GPC5: variants seen among roughly 807,000 people sequenced by gnomAD.
GPC5 encodes glypican-5.
In GPC5, 47 loss-of-function variants were observed where a neutral mutation model predicts 53.9. That is an observed-to-expected ratio of 0.87 (90% CI 0.69 to 1.11). The LOEUF (loss-of-function observed/expected upper bound fraction) is 1.11, where lower values mean the gene tolerates loss of function less well. Among genes scored for constraint, GPC5 ranks in the 50% most tolerant of loss-of-function variants. GPC5 has a pLI of 0.00. For synonymous variants in GPC5, 286 were observed against 263.3 expected, an observed-to-expected ratio of 1.09 and a Z score of -0.84; for missense variants, 748 against 713.1, an observed-to-expected ratio of 1.05 and a Z score of -0.56.
intron 6 of GPC5, among the ~76,000 whole-genome samples, chr13:92,091,818 A>T (rs2041383590): frequency 6.6e-6 from 1 of 152,026 alleles, no homozygotes; most frequent in South Asian, 2.1e-4. Context: ...ACTGTAAATC[A>T]CAATTTCAAT....
At chr13:92,471,701 C>T (rs539841152) in intron 7 of GPC5, among the ~76,000 whole-genome samples, 2 of 152,054 alleles carry the variant, frequency 1.3e-5, no homozygotes, top group Admixed American at 1.3e-4. Context: ...CAGGCGCTAA[C>T]GAGTTATTTT....
chr13:92,017,536 C>T (rs2040717670), intron 6 of GPC5, among the ~76,000 whole-genome samples: 2 of 152,124 alleles, frequency 1.3e-5, no homozygotes, highest in Admixed American at 1.3e-4. Flanking sequence ...AAAGTCCCCA[C>T]CTTTCTGAGA....
At chr13:92,056,200 T>C (rs1233215082) in intron 6 of GPC5, among the ~76,000 whole-genome samples, 1 of 152,180 alleles carries the variant, frequency 6.6e-6, no homozygotes, top group Admixed American at 6.5e-5. Context: ...CCCTGCCTTA[T>C]TCAGCTGCTA....
intron 2 of GPC5, among the ~76,000 whole-genome samples, chr13:91,457,927 A>T (rs1038464742): frequency 1.3e-5 from 2 of 152,128 alleles, no homozygotes; most frequent in Non-Finnish European, 2.9e-5. Flanking sequence ...TGAAACAAAG[A>T]TCCCTGTCTT....
intron 7 of GPC5, among the ~76,000 whole-genome samples, chr13:92,217,744 C>T (rs759059444): frequency 6.6e-6 from 1 of 152,000 alleles, no homozygotes; most frequent in Non-Finnish European, 1.5e-5. Context: ...GGATCACAAG[C>T]TTTTACAGGC....
intron 2 of GPC5, among the ~76,000 whole-genome samples, chr13:91,662,737 T>C (rs1377338281): frequency 6.6e-6 from 1 of 152,202 alleles, no homozygotes; most frequent in Non-Finnish European, 1.5e-5. Flanking sequence ...CTGTGCTCAT[T>C]ATTACCATAT....
At chr13:91,739,247 G>A (rs2036878105) in intron 4 of GPC5, among the ~76,000 whole-genome samples, 1 of 151,240 alleles carries the variant, frequency 6.6e-6, no homozygotes, top group Admixed American at 6.6e-5. Context: ...TAAGGTTGTG[G>A]GTGCTGCTGT....
At chr13:92,381,847 G>GATATATGAGTATATAT (rs1261792173) in intron 7 of GPC5, among the ~76,000 whole-genome samples, 1 of 119,582 alleles carries the variant, frequency 8.4e-6, no homozygotes, top group Non-Finnish European at 1.7e-5. Flanking sequence ...TATTGTATAT[G>GATATATGAGTATATAT]ATCATATATG....
chr13:91,767,629 C>A (rs148398397), intron 5 of GPC5, among the ~76,000 whole-genome samples: 2 of 152,112 alleles, frequency 1.3e-5, no homozygotes, highest in East Asian at 3.9e-4. Flanking sequence ...AAACAGAATC[C>A]CTAGGAAAAA....
At chr13:91,840,293 A>T (rs1028626234) in intron 5 of GPC5, among the ~76,000 whole-genome samples, 3 of 152,076 alleles carry the variant, frequency 2.0e-5, no homozygotes, top group Non-Finnish European at 2.9e-5. Flanking sequence ...TTTAGCAACC[A>T]TCTGTATTAT....
intron 5 of GPC5, among the ~76,000 whole-genome samples, chr13:91,890,631 A>C (rs2039374832): frequency 6.6e-6 from 1 of 152,238 alleles, no homozygotes; most frequent in African/African-American, 2.4e-5. Context: ...CTATCATTTA[A>C]AATTGCTGGG....
chr13:92,419,724 C>T (rs1876477553), intron 7 of GPC5, among the ~76,000 whole-genome samples: 1 of 152,142 alleles, frequency 6.6e-6, no homozygotes. Context: ...TTTATAAACC[C>T]TTCTTTACAC....
At chr13:92,663,858 A>G (rs9561103) in intron 7 of GPC5, among the ~76,000 whole-genome samples, 1 of 2,732 alleles carries the variant, frequency 3.7e-4, no homozygotes, top group Non-Finnish European at 8.8e-4. Context: ...CACACACACT[A>G]TATATATATA....
intron 7 of GPC5, among the ~76,000 whole-genome samples, chr13:92,220,738 CATTA>C (rs1222113235): frequency 1.3e-5 from 2 of 151,978 alleles, no homozygotes; most frequent in Non-Finnish European, 2.9e-5. Context: ...CATTGTTTCC[CATTA>C]ATTCATTTGT....
At chr13:92,024,945 T>C (rs1475382946) in intron 6 of GPC5, among the ~76,000 whole-genome samples, 1 of 152,146 alleles carries the variant, frequency 6.6e-6, no homozygotes, top group Non-Finnish European at 1.5e-5. Context: ...AATTTGTGAG[T>C]AGAGTTGAAA....
At chr13:91,835,096 T>C (rs2138861941) in intron 5 of GPC5, among the ~76,000 whole-genome samples, 1 of 152,298 alleles carries the variant, frequency 6.6e-6, no homozygotes. Flanking sequence ...AACAGACACT[T>C]CTCAGAAGAA....
chr13:92,210,741 C>T (rs969603304), intron 7 of GPC5, among the ~76,000 whole-genome samples: 1 of 152,104 alleles, frequency 6.6e-6, no homozygotes, highest in African/African-American at 2.4e-5. Context: ...AAGGGAATAG[C>T]AAAAGCTCTG....
rs556659090 is a variant in GPC5 at position 92,462,193 on chromosome 13, C to T, written c.1561+317204C>T. Among the ~76,000 whole-genome samples, 83 of 152,204 alleles carry T rather than the reference C, an allele frequency of 5.5e-4. 1 individual carries two copies. Among genetic ancestry groups the T allele is most frequent in the African/African-American group, 1.9e-3 (79 of 41,538 alleles). ...ACTGATGTGATCTGATTGACATTTT[C>T]GTAGGATCACTTTGTTTGGCTGGCT... On this transcript the variant is annotated intron_variant, in intron 7 of 7. Transcript: ENST00000377067.
rs1883521932 is a variant in GPC5 at position 92,585,857 on chromosome 13, G to C, written c.1562-280425G>C. Reference sequence around the variant, plus strand: ...TCCTGCACAAGCTCTCTCTTTGCCTGCTGCCATTCACATAAGACATGACTT... The same window carrying C: ...TCCTGCACAAGCTCTCTCTTTGCCTCCTGCCATTCACATAAGACATGACTT... On this transcript the variant is annotated intron_variant, in intron 7 of 7. Transcript: ENST00000377067. Among the ~76,000 whole-genome samples, 4 of 152,254 alleles carry C rather than the reference G, an allele frequency of 2.6e-5. 1 individual carries two copies. In the South Asian group the frequency reaches 8.3e-4, roughly 32 times the overall value.
Sources: gnomAD v4.1 joint callset for allele counts (sites outside exome capture counted in the v4.1 genomes callset) on GRCh38, gnomAD v4.1.1 for gene constraint, MANE v1.5 for transcripts, NCBI Gene and HGNC (gene_info 2026-07-23, HGNC 2026-07-21) for gene names.